The following ITGA2 variants were observed in gnomAD, a reference collection of about 807,000 sequenced individuals.
ITGA2 encodes the protein integrin subunit alpha 2, also known as integrin alpha-2.
A neutral mutation model predicts 146.3 loss-of-function variants in ITGA2; 101 were observed. The observed-to-expected ratio is 0.69, with a 90% CI of 0.59 to 0.81. ITGA2 has a LOEUF of 0.81. Among genes scored for constraint, ITGA2 ranks in the 40% least tolerant of loss-of-function variants. The pLI is 0.00. For synonymous variants in ITGA2, 477 were observed against 487.1 expected, an observed-to-expected ratio of 0.98 and a Z score of 0.27; for missense variants, 1,281 against 1,402.7, an observed-to-expected ratio of 0.91 and a Z score of 1.39.
chr5:53,078,939 G>C, intron 24 of ITGA2, 65 bp downstream of exon 24: 1 of 898,028 alleles, frequency 1.1e-6, no homozygotes, highest in Non-Finnish European at 1.9e-6. Context: ...AATGAGTCTG[G>C]AAATAAAAGG....
chr5:53,026,614 T>G (rs1742960230), intron 1 of ITGA2, 134 bp from the exon 2 acceptor site: 1 of 791,622 alleles, frequency 1.3e-6, no homozygotes, highest in Non-Finnish European at 2.1e-6. Context: ...CAGTAGTTAT[T>G]TTTTCTGGGT....
At chr5:53,011,398 TACAA>T (rs1742117753) in intron 1 of ITGA2, among the ~76,000 whole-genome samples, 1 of 152,154 alleles carries the variant, frequency 6.6e-6, no homozygotes, top group African/African-American at 2.4e-5. Context: ...ATTACAGCAA[TACAA>T]ACAGACTAAA....
intron 1 of ITGA2, among the ~76,000 whole-genome samples, chr5:52,993,914 G>C (rs1200354226): frequency 1.3e-5 from 2 of 152,148 alleles, no homozygotes; most frequent in Non-Finnish European, 2.9e-5. Flanking sequence ...GCTCTGATTG[G>C]CAAGTGAAAG....
chr5:52,999,753 G>A (rs368779056), intron 1 of ITGA2, among the ~76,000 whole-genome samples: 56 of 152,278 alleles, frequency 3.7e-4, no homozygotes, highest in East Asian at 2.5e-3. Context: ...CCTGAGAAAT[G>A]CTATGGTAAA....
intron 14 of ITGA2, among the ~76,000 whole-genome samples, chr5:53,065,430 A>T (rs1318914892): frequency 1.3e-5 from 2 of 151,940 alleles, no homozygotes; most frequent in Non-Finnish European, 2.9e-5. Context: ...AAGCAAATGA[A>T]ACTAAAATAG....
intron 14 of ITGA2, 57 bp downstream of exon 14, chr5:53,065,172 A>C: frequency 6.7e-7 from 1 of 1,498,888 alleles, no homozygotes; most frequent in Non-Finnish European, 9.3e-7. Flanking sequence ...CATATTAGAC[A>C]TAGAAAGCGT....
At chr5:52,992,872 C>T (rs1741045474) in intron 1 of ITGA2, among the ~76,000 whole-genome samples, 1 of 152,090 alleles carries the variant, frequency 6.6e-6, no homozygotes, top group Non-Finnish European at 1.5e-5. Context: ...TTACTGTATG[C>T]TTTCCTGAAC....
At chr5:53,064,845 G>C (rs937708488) in intron 13 of ITGA2, 67 bp from the exon 14 acceptor site, 71 of 1,486,664 alleles carry the variant, frequency 4.8e-5, no homozygotes, top group Non-Finnish European at 1.4e-5. Context: ...ACACCCAGCT[G>C]CTCTGAATTT....
At position 53,065,063 on chromosome 5, in the gene ITGA2, C is replaced by G. The variant is rs1018919726; in HGVS notation, c.1754C>G (p.Ala585Gly). The G allele has an allele frequency of 1.2e-6, 2 of 1,612,752 alleles. No individual in the cohort carries two copies. Among genetic ancestry groups the G allele is most frequent in the South Asian group, 2.2e-5 (2 of 91,070 alleles). ...CCACTAGAAAATCAGAATTCTGGAG[C>G]TGTATACATTTACAATGGTCATCAG... ...GSPLENQNSGAVYIYNGHQGT... is the reference protein window; with the variant it reads ...GSPLENQNSGGVYIYNGHQGT... The change falls in exon 14 of 30, where the codon GCT (alanine) becomes GGT (glycine). Residue 585 changes from alanine to glycine, a missense_variant. Transcript: ENST00000296585.
intron 3 of ITGA2, among the ~76,000 whole-genome samples, chr5:53,043,292 C>T (rs759099998): frequency 6.6e-6 from 1 of 151,530 alleles, no homozygotes; most frequent in Non-Finnish European, 1.5e-5. Flanking sequence ...AGTATATCAC[C>T]CCTAACATTT....
chr5:53,029,903 G>T (rs901107691), intron 2 of ITGA2, among the ~76,000 whole-genome samples: 5 of 152,234 alleles, frequency 3.3e-5, no homozygotes, highest in African/African-American at 9.6e-5. Context: ...AGCTTCAGAT[G>T]AACTCCACTG....
At chr5:53,038,250 C>G (rs1743591083) in intron 2 of ITGA2, among the ~76,000 whole-genome samples, 1 of 151,448 alleles carries the variant, frequency 6.6e-6, no homozygotes, top group South Asian at 2.1e-4. Flanking sequence ...AGACACACTT[C>G]TCTGTTGTTT....
intron 28 of ITGA2, among the ~76,000 whole-genome samples, chr5:53,088,104 AAGG>A (rs1342591669): frequency 1.3e-5 from 2 of 152,244 alleles, no homozygotes; most frequent in Non-Finnish European, 2.9e-5. Context: ...AATAGAGCCA[AAGG>A]AAATGCAGAC....
intron 1 of ITGA2, among the ~76,000 whole-genome samples, chr5:53,016,106 G>T (rs979436470): frequency 1.3e-5 from 2 of 152,130 alleles, no homozygotes; most frequent in Non-Finnish European, 2.9e-5. Context: ...ACATTGATTT[G>T]TGCGGATTTG....
chr5:53,055,774 T>C, intron 8 of ITGA2, 86 bp downstream of exon 8: 1 of 1,490,670 alleles, frequency 6.7e-7, no homozygotes, highest in Non-Finnish European at 9.3e-7. Context: ...CACTTTCCCA[T>C]TGGCTGTTCA....
At chr5:53,082,562 G>A (rs1009484000) in intron 26 of ITGA2, among the ~76,000 whole-genome samples, 1 of 152,076 alleles carries the variant, frequency 6.6e-6, no homozygotes, top group African/African-American at 2.4e-5. Context: ...AGAATTGAGT[G>A]GAAAGTACAG....
At chr5:53,024,805 G>A (rs1447019248) in intron 1 of ITGA2, among the ~76,000 whole-genome samples, 2 of 152,168 alleles carry the variant, frequency 1.3e-5, no homozygotes, top group African/African-American at 2.4e-5. Flanking sequence ...GAGAGTGGTC[G>A]GAAGTGAAGT....
At chr5:52,992,075 G>A (rs10061730) in intron 1 of ITGA2, among the ~76,000 whole-genome samples, 29,140 of 151,960 alleles carry the variant, frequency 0.19, 2,872 homozygotes, top group African/African-American at 0.22. Flanking sequence ...TTCAGTGCAC[G>A]TCTTCAAATT....
chr5:53,070,342 G>T (rs1467652436), intron 17 of ITGA2, 82 bp downstream of exon 17: 1 of 1,414,042 alleles, frequency 7.1e-7, no homozygotes, highest in Admixed American at 1.7e-5. Context: ...GGAAGCTTAT[G>T]AGTTAGAAAA....
Sources: gnomAD v4.1 joint callset for allele counts (sites outside exome capture counted in the v4.1 genomes callset) on GRCh38, gnomAD v4.1.1 for gene constraint, MANE v1.5 for transcripts, NCBI Gene and HGNC (gene_info 2026-07-23, HGNC 2026-07-21) for gene names.